KCNJ15: variants seen among roughly 807,000 people sequenced by gnomAD.
The protein encoded by KCNJ15 is potassium inwardly rectifying channel subfamily J member 15.
A neutral mutation model predicts 23.0 loss-of-function variants in KCNJ15; 14 were observed. The observed-to-expected ratio is 0.61, with a 90% CI of 0.40 to 0.95. KCNJ15 has a LOEUF of 0.95. Ranked by LOEUF, KCNJ15 falls within the 40% of genes least tolerant of loss-of-function variation. The pLI is 0.00. For synonymous variants in KCNJ15, 185 were observed against 183.2 expected, an observed-to-expected ratio of 1.01 and a Z score of -0.08; for missense variants, 388 against 461.8, an observed-to-expected ratio of 0.84 and a Z score of 1.46.
At chr21:38,242,497 G>A (rs924662389) in intron 1 of KCNJ15, among the ~76,000 whole-genome samples, 6 of 152,140 alleles carry the variant, frequency 3.9e-5, no homozygotes, top group Non-Finnish European at 7.3e-5. Flanking sequence ...AGTTTAAAGA[G>A]GTGGGGCTTT....
intron 2 of KCNJ15, among the ~76,000 whole-genome samples, chr21:38,297,631 C>T (rs189071994): frequency 6.6e-6 from 1 of 152,316 alleles, no homozygotes; most frequent in Admixed American, 6.5e-5. Flanking sequence ...GGTCACTTTC[C>T]TCTTCGTTAC....
At chr21:38,282,853 G>A (rs994198956) in intron 1 of KCNJ15, among the ~76,000 whole-genome samples, 1 of 152,154 alleles carries the variant, frequency 6.6e-6, no homozygotes, top group African/African-American at 2.4e-5. Flanking sequence ...TTATCATGAG[G>A]TGTGGACAAT....
At position 38,284,646 on chromosome 21, in the gene KCNJ15, A is replaced by G. The variant is rs535666926; in HGVS notation, c.-116-12280A>G. 5.3e-5 allele frequency among the ~76,000 whole-genome samples: 8 copies of G among 152,346 alleles called. No individual in the cohort carries two copies. In the South Asian group the frequency reaches 1.4e-3, roughly 28 times the overall value. On this transcript the variant is annotated intron_variant, in intron 1 of 2. Coordinates refer to ENST00000398938, the MANE Select transcript of KCNJ15 (RefSeq NM_170736.3). ...AAGTTTGATCCTTTCTCTTCCTTGAATAAAACCCCAAGATACTCCTTGTGC... is the reference window on the plus strand; with the variant it reads ...AAGTTTGATCCTTTCTCTTCCTTGAGTAAAACCCCAAGATACTCCTTGTGC...
intron 1 of KCNJ15, among the ~76,000 whole-genome samples, chr21:38,291,186 A>G (rs1380347624): frequency 2.0e-5 from 3 of 152,170 alleles, no homozygotes; most frequent in Non-Finnish European, 4.4e-5. Flanking sequence ...GTATTTAACC[A>G]CAAATTCCTT....
intron 1 of KCNJ15, among the ~76,000 whole-genome samples, chr21:38,230,273 G>A (rs1988695888): frequency 6.6e-6 from 1 of 151,970 alleles, no homozygotes; most frequent in African/African-American, 2.4e-5. Flanking sequence ...TTTCCCTAGT[G>A]GCTAAAGATG....
intron 1 of KCNJ15, among the ~76,000 whole-genome samples, chr21:38,241,430 G>T (rs994544105): frequency 6.6e-6 from 1 of 152,210 alleles, no homozygotes; most frequent in Admixed American, 6.5e-5. Context: ...GACGGGGCCT[G>T]CTGGACACTC....
upstream of KCNJ15, among the ~76,000 whole-genome samples, chr21:38,251,828 A>G (rs1979860728): frequency 6.6e-6 from 1 of 152,222 alleles, no homozygotes; most frequent in African/African-American, 2.4e-5. Context: ...TGGTCACCTT[A>G]CAAAGGAATG....
chr21:38,275,082 C>G (rs769333493), intron 1 of KCNJ15, among the ~76,000 whole-genome samples: 1 of 152,142 alleles, frequency 6.6e-6, no homozygotes, highest in Non-Finnish European at 1.5e-5. Flanking sequence ...CAGCAAACTC[C>G]AGAGTCCTTT....
intron 1 of KCNJ15, among the ~76,000 whole-genome samples, chr21:38,247,325 A>G (rs1283869155): frequency 7.6e-4 from 69 of 90,252 alleles, no homozygotes; most frequent in Middle Eastern, 0.013. Context: ...TCGATGGGTA[A>G]ATGGATGGAT....
At chr21:38,271,049 G>A (rs924491718) in intron 1 of KCNJ15, among the ~76,000 whole-genome samples, 4 of 152,238 alleles carry the variant, frequency 2.6e-5, no homozygotes, top group African/African-American at 7.2e-5. Context: ...GGAGCCCCAG[G>A]CCAGCAGGGT....
rs867896196 is a variant in KCNJ15 at position 38,299,333 on chromosome 21, C to T, written c.72C>T (p.Ala24=). The T allele has an allele frequency of 6.2e-7, 1 of 1,614,032 alleles. No individual in the cohort carries two copies. Among genetic ancestry groups the T allele is most frequent in the African/African-American group, 1.3e-5 (1 of 74,924 alleles). ...VKHTAGAGLK[A]NRPRVMSKSG... Reference sequence around the variant, plus strand: ...ACACTGCTGGGGCTGGGCTCAAGGCCAACAGACCCCGCGTCATGTCCAAGA... The same window carrying T: ...ACACTGCTGGGGCTGGGCTCAAGGCTAACAGACCCCGCGTCATGTCCAAGA... Residue 24 remains alanine (A), a synonymous_variant, in exon 3 of 3, where the codon GCC becomes GCT. Coordinates refer to ENST00000398938, the MANE Select transcript of KCNJ15 (RefSeq NM_170736.3). The surrounding 1 kb of genome is among the most constrained non-coding windows in gnomAD (Gnocchi z 4.5).
intron 1 of KCNJ15, among the ~76,000 whole-genome samples, chr21:38,260,441 G>A (rs1980765157): frequency 6.6e-6 from 1 of 152,192 alleles, no homozygotes; most frequent in South Asian, 2.1e-4. Context: ...CATTTCTTTT[G>A]ATGGGCATTG....
At chr21:38,273,135 T>C (rs1982278423) in intron 1 of KCNJ15, among the ~76,000 whole-genome samples, 2 of 152,232 alleles carry the variant, frequency 1.3e-5, no homozygotes, top group Non-Finnish European at 2.9e-5. Context: ...GAGGTTTCTT[T>C]CAAGATTATA....
At chr21:38,283,114 C>A (rs1406550957) in intron 1 of KCNJ15, among the ~76,000 whole-genome samples, 1 of 151,740 alleles carries the variant, frequency 6.6e-6, no homozygotes, top group Non-Finnish European at 1.5e-5. Flanking sequence ...AAACTAGGTT[C>A]TTGGATTTGT....
At chr21:38,234,569 A>G (rs1978477358) in intron 1 of KCNJ15, among the ~76,000 whole-genome samples, 1 of 152,256 alleles carries the variant, frequency 6.6e-6, no homozygotes, top group African/African-American at 2.4e-5. Context: ...GAACTTTCCA[A>G]GTTATTAACG....
intron 1 of KCNJ15, among the ~76,000 whole-genome samples, chr21:38,258,941 T>C (rs1161165126): frequency 6.6e-6 from 1 of 152,076 alleles, no homozygotes; most frequent in Non-Finnish European, 1.5e-5. Flanking sequence ...CCCATAAGGC[T>C]CAGCACAACC....
intron 1 of KCNJ15, among the ~76,000 whole-genome samples, chr21:38,277,483 A>T (rs1429333834): frequency 6.6e-6 from 1 of 152,214 alleles, no homozygotes; most frequent in Non-Finnish European, 1.5e-5. Context: ...TCCTAATCCT[A>T]CAAGTAACTG....
At chr21:38,240,366 G>C (rs1277981898) in intron 1 of KCNJ15, among the ~76,000 whole-genome samples, 2 of 152,188 alleles carry the variant, frequency 1.3e-5, no homozygotes, top group Non-Finnish European at 2.9e-5. Flanking sequence ...GATTGGAAAT[G>C]GTTAAAAAGT....
chr21:38,287,679 G>A (rs909184896), intron 1 of KCNJ15, among the ~76,000 whole-genome samples: 1 of 152,168 alleles, frequency 6.6e-6, no homozygotes, highest in Non-Finnish European at 1.5e-5. Context: ...TGGGCCAATA[G>A]TCCTCCGGCT....
Sources: allele counts gnomAD v4.1 joint callset (sites outside exome capture counted in the v4.1 genomes callset), GRCh38; gene constraint gnomAD v4.1.1; non-coding constraint Gnocchi (gnomAD v3.1); transcripts MANE v1.5; gene names NCBI Gene and HGNC (gene_info 2026-07-23, HGNC 2026-07-21).